The following SPOCK3 variants were observed in gnomAD, a reference collection of about 807,000 sequenced individuals.
SPOCK3 encodes the protein SPARC (osteonectin), cwcv and kazal like domains proteoglycan 3.
A neutral mutation model predicts 56.6 loss-of-function variants in SPOCK3; 30 were observed. That is an observed-to-expected ratio of 0.53 (90% confidence interval 0.40 to 0.72). SPOCK3 has a LOEUF of 0.72. SPOCK3 is among the 30% of genes least tolerant of loss of function. SPOCK3 has a pLI of 0.00. For missense variants in SPOCK3, 527 were observed against 530.0 expected (o/e 0.99, Z 0.06); for synonymous variants, 196 against 183.3 (o/e 1.07, Z -0.56).
chr4:166,847,461 G>T (rs1277117972), intron 6 of SPOCK3, among the ~76,000 whole-genome samples: 1 of 151,532 alleles, frequency 6.6e-6, no homozygotes, highest in East Asian at 1.9e-4. Flanking sequence ...GAGGGAAAAA[G>T]CATTGATGCT....
chr4:166,746,152 A>G (rs1735580661), intron 8 of SPOCK3, among the ~76,000 whole-genome samples: 1 of 152,230 alleles, frequency 6.6e-6, no homozygotes, highest in South Asian at 2.1e-4. Context: ...AGACATCTAC[A>G]GAACTCTTCA....
intron 2 of SPOCK3, among the ~76,000 whole-genome samples, chr4:167,114,773 G>C (rs928326868): frequency 6.6e-6 from 1 of 152,044 alleles, no homozygotes; most frequent in Non-Finnish European, 1.5e-5. Flanking sequence ...GCCTTGATAT[G>C]ACTCAAACCC....
chr4:166,963,410 A>G (rs185388685), intron 4 of SPOCK3, among the ~76,000 whole-genome samples: 1 of 152,138 alleles, frequency 6.6e-6, no homozygotes, highest in Admixed American at 6.6e-5. Context: ...TACTCTTTAT[A>G]AGAAGGTAAC....
intron 6 of SPOCK3, among the ~76,000 whole-genome samples, chr4:166,865,132 C>A (rs1030858359): frequency 4.0e-5 from 6 of 151,862 alleles, no homozygotes; most frequent in African/African-American, 1.4e-4. Context: ...GTTCAACATA[C>A]AAATCAATAA....
chr4:166,742,179 A>G, intron 8 of SPOCK3, 120 bp from the exon 9 acceptor site: 1 of 672,994 alleles, frequency 1.5e-6, no homozygotes. Flanking sequence ...ATTACATATT[A>G]ATTGGTTTAC....
At chr4:166,971,813 T>A (rs1745412672) in intron 4 of SPOCK3, among the ~76,000 whole-genome samples, 1 of 152,148 alleles carries the variant, frequency 6.6e-6, no homozygotes, top group African/African-American at 2.4e-5. Flanking sequence ...AGGGCAATTT[T>A]CACCAATGGC....
chr4:166,738,139 T>G (rs1734410005), intron 9 of SPOCK3, among the ~76,000 whole-genome samples: 1 of 152,204 alleles, frequency 6.6e-6, no homozygotes, highest in Admixed American at 6.5e-5. Context: ...CTCCTCTCTC[T>G]TCCACTTTAA....
chr4:167,210,934 C>G lies in SPOCK3; in HGVS notation c.189+23051G>C, dbSNP rs563849504. ...CTGATTTACTGGAAAATGATAGATCCTGCATATTTTGGAAAACATGCTTAA... is the reference window on the plus strand; with the variant it reads ...CTGATTTACTGGAAAATGATAGATCGTGCATATTTTGGAAAACATGCTTAA... On this transcript the variant is annotated intron_variant, in intron 2 of 10. Coordinates refer to ENST00000357545, the MANE Select transcript of SPOCK3 (RefSeq NM_001040159.2). Among the ~76,000 whole-genome samples the G allele has an allele frequency of 2.0e-4, 31 of 152,222 alleles. 1 individual carries two copies. Among genetic ancestry groups the G allele is most frequent in the Middle Eastern group, 6.8e-3 (2 of 294 alleles).
At chr4:166,953,526 G>A (rs1324136700) in intron 4 of SPOCK3, among the ~76,000 whole-genome samples, 2 of 151,960 alleles carry the variant, frequency 1.3e-5, no homozygotes, top group African/African-American at 4.8e-5. Context: ...AGTCAGTGTG[G>A]TGATTCCTCA....
intron 6 of SPOCK3, among the ~76,000 whole-genome samples, chr4:166,832,413 A>G (rs1187976890): frequency 2.0e-5 from 3 of 151,780 alleles, no homozygotes; most frequent in African/African-American, 4.8e-5. Context: ...AAAAAAAACA[A>G]CAGATGATGG....
intron 4 of SPOCK3, among the ~76,000 whole-genome samples, chr4:166,975,814 G>A (rs187740826): frequency 6.6e-6 from 1 of 152,106 alleles, no homozygotes; most frequent in East Asian, 1.9e-4. Flanking sequence ...ATGTCTTCCA[G>A]TACCATCCAT....
chr4:167,101,052 C>T (rs1257653231), intron 2 of SPOCK3, among the ~76,000 whole-genome samples: 1 of 152,108 alleles, frequency 6.6e-6, no homozygotes, highest in Non-Finnish European at 1.5e-5. Context: ...TTAGTCTCGA[C>T]ATTCTCATTA....
At chr4:167,132,536 G>A (rs1370726987) in intron 2 of SPOCK3, among the ~76,000 whole-genome samples, 1 of 152,104 alleles carries the variant, frequency 6.6e-6, no homozygotes, top group Non-Finnish European at 1.5e-5. Context: ...GCCTTTGAAG[G>A]ATATTTCTGA....
At chr4:167,035,176 A>C (rs551960224) in intron 3 of SPOCK3, among the ~76,000 whole-genome samples, 1 of 152,284 alleles carries the variant, frequency 6.6e-6, no homozygotes, top group East Asian at 1.9e-4. Context: ...TTGGGGATAA[A>C]GGTCAAAGGA....
chr4:167,059,063 G>C (rs1755264793), intron 3 of SPOCK3, among the ~76,000 whole-genome samples: 1 of 152,086 alleles, frequency 6.6e-6, no homozygotes, highest in East Asian at 1.9e-4. Flanking sequence ...AGAAAACCTA[G>C]GCAATACCAT....
intron 2 of SPOCK3, among the ~76,000 whole-genome samples, chr4:167,139,560 T>A (rs1763370258): frequency 6.6e-6 from 1 of 152,018 alleles, no homozygotes; most frequent in Non-Finnish European, 1.5e-5. Context: ...TTGATATATT[T>A]TCAATATATA....
intron 2 of SPOCK3, among the ~76,000 whole-genome samples, chr4:167,205,352 A>T (rs13110535): frequency 4.8e-4 from 18 of 37,266 alleles, no homozygotes; most frequent in African/African-American, 1.6e-3. Flanking sequence ...TATATATATA[A>T]TATATATATT....
intron 3 of SPOCK3, among the ~76,000 whole-genome samples, chr4:167,061,157 T>C (rs1256585585): frequency 6.6e-6 from 1 of 151,898 alleles, no homozygotes. Context: ...CATGCACACA[T>C]AAAGGAAAAT....
At chr4:167,022,805 G>A (rs1000005138) in intron 3 of SPOCK3, among the ~76,000 whole-genome samples, 2 of 151,964 alleles carry the variant, frequency 1.3e-5, no homozygotes, top group Non-Finnish European at 2.9e-5. Context: ...TGGCCAGCTG[G>A]TTATGGACAT....
Sources: allele counts gnomAD v4.1 joint callset (sites outside exome capture counted in the v4.1 genomes callset), GRCh38; gene constraint gnomAD v4.1.1; transcripts MANE v1.5; gene names NCBI Gene and HGNC (gene_info 2026-07-23, HGNC 2026-07-21).